CCDC73: variants seen among roughly 807,000 people sequenced by gnomAD.
The protein encoded by CCDC73 is coiled-coil domain-containing protein 73.
Under a neutral mutation model 116.5 loss-of-function variants are expected in CCDC73, and 95 were observed. The observed-to-expected ratio is 0.82, with a 90% CI of 0.69 to 0.97. CCDC73 has a LOEUF of 0.97. Ranked by LOEUF, CCDC73 falls within the 50% of genes least tolerant of loss-of-function variation. The probability of loss-of-function intolerance (pLI) is 0.00; values close to 1 mark genes in which losing one functional copy is unlikely to be tolerated. For missense variants in CCDC73, 1,066 were observed against 1,206.8 expected (o/e 0.88, Z 1.73); for synonymous variants, 398 against 401.3 (o/e 0.99, Z 0.10).
At chr11:32,735,545 G>A (rs1850121041) in intron 2 of CCDC73, among the ~76,000 whole-genome samples, 2 of 152,062 alleles carry the variant, frequency 1.3e-5, no homozygotes, top group South Asian at 4.2e-4. Flanking sequence ...CCATGCTCAT[G>A]GATAGGAAGA....
At chr11:32,635,881 T>C in intron 13 of CCDC73, 51 bp from the exon 14 acceptor site, 1 of 1,000,262 alleles carries the variant, frequency 1.0e-6, no homozygotes, top group Non-Finnish European at 1.3e-6. Flanking sequence ...TATATAAATA[T>C]GTTTTGTCTG....
chr11:32,661,988 T>C (rs1002389365), intron 9 of CCDC73, among the ~76,000 whole-genome samples: 34 of 152,052 alleles, frequency 2.2e-4, no homozygotes, highest in African/African-American at 8.2e-4. Flanking sequence ...TCCAGCTTCA[T>C]CCATGTCCCT....
At chr11:32,812,300 G>A in the CCDC73 span, among the ~76,000 whole-genome samples, 3 of 152,144 alleles carry the variant, frequency 2.0e-5, no homozygotes, top group Non-Finnish European at 4.4e-5. Flanking sequence ...TGGGAGGATC[G>A]CTTGAGGCCA....
At chr11:32,830,486 T>A in the CCDC73 span, 2 of 1,433,186 alleles carry the variant, frequency 1.4e-6, no homozygotes, top group Non-Finnish European at 1.8e-6. Context: ...TTTTTTTTAA[T>A]ATTTTTTTTT....
At chr11:32,820,953 G>A in the CCDC73 span, among the ~76,000 whole-genome samples, 1 of 151,916 alleles carries the variant, frequency 6.6e-6, no homozygotes. Context: ...GTACTTTAAA[G>A]AGTAAAGATC....
chr11:32,709,256 C>T (rs996766135), intron 3 of CCDC73, among the ~76,000 whole-genome samples: 1 of 152,098 alleles, frequency 6.6e-6, no homozygotes, highest in Admixed American at 6.6e-5. Context: ...ATGAAACCTA[C>T]TTGATCATGG....
chr11:32,624,164 T>G (rs1855547313), intron 14 of CCDC73, among the ~76,000 whole-genome samples: 1 of 139,608 alleles, frequency 7.2e-6, no homozygotes, highest in Admixed American at 7.1e-5. Flanking sequence ...AAACCCCATA[T>G]CTACTAAAAT....
chr11:32,807,166 C>T, the CCDC73 span, among the ~76,000 whole-genome samples: 1 of 152,210 alleles, frequency 6.6e-6, no homozygotes, highest in Admixed American at 6.5e-5. Context: ...AGAAGCACTG[C>T]ACTTTGGGTG....
intron 14 of CCDC73, among the ~76,000 whole-genome samples, chr11:32,630,924 T>C (rs1291027551): frequency 3.3e-5 from 5 of 152,198 alleles, no homozygotes; most frequent in African/African-American, 1.2e-4. Context: ...GAAATAGCTA[T>C]ATTATTATCA....
At chr11:32,810,171 G>A in the CCDC73 span, among the ~76,000 whole-genome samples, 1 of 152,220 alleles carries the variant, frequency 6.6e-6, no homozygotes, top group African/African-American at 2.4e-5. Flanking sequence ...GGTTGGATCT[G>A]TTACATTAAT....
chr11:32,677,524 C>A (rs1459185163), intron 7 of CCDC73, among the ~76,000 whole-genome samples: 1 of 152,146 alleles, frequency 6.6e-6, no homozygotes, highest in East Asian at 1.9e-4. Context: ...GTCCCTACAT[C>A]CTGCCTCACA....
intron 1 of CCDC73, among the ~76,000 whole-genome samples, chr11:32,764,137 T>C (rs138742808): frequency 1.3e-3 from 201 of 152,320 alleles, no homozygotes; most frequent in Non-Finnish European, 2.6e-3. Flanking sequence ...CTATGTCTGA[T>C]TGGTGTACCT....
chr11:32,722,608 A>C lies in CCDC73; in HGVS notation c.136-4461T>G, dbSNP rs115279018. 7.1e-3 allele frequency among the ~76,000 whole-genome samples: 1,087 copies of C among 152,340 alleles called. 17 individuals carry two copies. Among genetic ancestry groups the C allele is most frequent in the African/African-American group, 0.025 (1,048 of 41,578 alleles). On this transcript the variant is annotated intron_variant, in intron 2 of 17. Transcript: ENST00000335185. ...CCTTTCTATTATTAAAACATATTGAAAAAGGAAATAAATGTACATATATAC... is the reference window on the plus strand; with the variant it reads ...CCTTTCTATTATTAAAACATATTGACAAAGGAAATAAATGTACATATATAC...
In CCDC73 at chr11:32,675,902, T is replaced by G. The variant is rs963878306; in HGVS notation, c.549A>C (p.Glu183Asp). The change falls in exon 8 of 18, where the codon GAA becomes GAC. Residue 183 changes from glutamate (E) to aspartate (D), a missense_variant. Physicochemically the swap from Glu to Asp is conservative, Grantham distance 45. Transcript: ENST00000335185. ...GQFGLVKENH[E>D]KLEQNVREAI... ...AGCACATACCATTTTGTTCTAACTT[T>G]TCATGATTCTCTTTTACCAATCCAA... 1 of 1,599,350 alleles carries G rather than the reference T, an allele frequency of 6.3e-7. No homozygotes were observed. Among genetic ancestry groups the G allele is most frequent in the African/African-American group, 1.3e-5 (1 of 74,240 alleles).
At chr11:32,719,776 AC>A (rs1210234848) in intron 2 of CCDC73, among the ~76,000 whole-genome samples, 3 of 152,158 alleles carry the variant, frequency 2.0e-5, no homozygotes, top group Non-Finnish European at 2.9e-5. Context: ...CTACAAAAAA[AC>A]TTTACACTCA....
At chr11:32,735,565 G>A (rs967453704) in intron 2 of CCDC73, among the ~76,000 whole-genome samples, 2 of 152,056 alleles carry the variant, frequency 1.3e-5, no homozygotes, top group Admixed American at 6.6e-5. Flanking sequence ...AATCAATATC[G>A]TGAAAATGGC....
the CCDC73 span, among the ~76,000 whole-genome samples, chr11:32,828,206 T>C: frequency 0.01 from 1,579 of 152,082 alleles, 26 homozygotes; most frequent in African/African-American, 0.036. Flanking sequence ...TTGGTAAAAA[T>C]TGAATTAGTC....
At chr11:32,664,877 C>T (rs552357531) in intron 9 of CCDC73, among the ~76,000 whole-genome samples, 12 of 152,232 alleles carry the variant, frequency 7.9e-5, no homozygotes, top group South Asian at 4.2e-4. Context: ...TCGTTGGTTT[C>T]GAAGAACATC....
intron 1 of CCDC73, among the ~76,000 whole-genome samples, chr11:32,793,552 C>G (rs1850695001): frequency 6.6e-6 from 1 of 152,172 alleles, no homozygotes; most frequent in African/African-American, 2.4e-5. Context: ...AGGGTTGTCA[C>G]TTATTTTCAG....
Sources: allele counts gnomAD v4.1 joint callset (sites outside exome capture counted in the v4.1 genomes callset), GRCh38; gene constraint gnomAD v4.1.1; transcripts MANE v1.5; gene names NCBI Gene and HGNC (gene_info 2026-07-23, HGNC 2026-07-21).